EIF5: variants seen among roughly 807,000 people sequenced by gnomAD.
EIF5 encodes eukaryotic translation initiation factor 5.
A neutral mutation model predicts 48.3 loss-of-function variants in EIF5; 10 were observed. That is an observed-to-expected ratio of 0.21 (90% CI 0.13 to 0.35). The LOEUF (loss-of-function observed/expected upper bound fraction) is 0.35, where lower values mean the gene tolerates loss of function less well. Ranked by LOEUF, EIF5 falls within the 10% of genes least tolerant of loss-of-function variation. EIF5 has a pLI of 1.00. For missense variants in EIF5, 397 were observed against 533.2 expected, an observed-to-expected ratio of 0.74 and a Z score of 2.51; for synonymous variants, 237 against 173.1, an observed-to-expected ratio of 1.37 and a Z score of -2.90.
chr14:103,336,750 C>T lies in EIF5; in HGVS notation c.228C>T (p.Val76=), dbSNP rs1156346399. The T allele has an allele frequency of 8.1e-6, 13 of 1,614,082 alleles. No homozygotes were observed. Among genetic ancestry groups the T allele is most frequent in the Non-Finnish European group, 1.1e-5 (13 of 1,180,026 alleles). The change falls in exon 5 of 12, where the codon GTC becomes GTT. Residue 76 remains valine, a synonymous_variant. Transcript: ENST00000216554. ...ATGTTAAGAATGACCGTTACATTGT[C>T]AATGGATCTCATGAGGCGAATAAGC... The part of the protein sequence containing the change: ...QFDVKNDRYI[V]NGSHEANKLQ...
rs78534977 is a variant in EIF5, at chr14:103,336,181, T to C, written c.154+64T>C. 9.5e-4 allele frequency: 1,417 copies of C among 1,486,400 alleles called. 9 individuals are homozygous for C. The African/African-American group carries it at 0.018, about 19-fold the overall frequency. 92.1% of individuals were successfully genotyped at this position (1,486,400 alleles called of 1,614,324 possible). The stretch of plus-strand genomic sequence containing the variant: ...GATAGAGTCTTCAAAGTCTTTGAGC[T>C]GCAAAACTTGTTCTAATTGTATGCT... On this transcript the variant is annotated intron_variant, in intron 4 of 11. Coordinates refer to ENST00000216554, the MANE Select transcript of EIF5 (RefSeq NM_001969.5).
In EIF5 at chr14:103,343,017, T is replaced by A. The variant is rs905284638; in HGVS notation, c.*1965T>A. On this transcript the variant is annotated 3_prime_UTR_variant, in exon 12 of 12. Coordinates refer to ENST00000216554, the MANE Select transcript of EIF5 (RefSeq NM_001969.5). ...ATTTGGCTTAAACCAGTGTTCAGTCTGGTGCCAAACTTCGAATGGAATACA... is the reference window on the plus strand; with the variant it reads ...ATTTGGCTTAAACCAGTGTTCAGTCAGGTGCCAAACTTCGAATGGAATACA... 1 of 152,658 alleles carries A rather than the reference T, an allele frequency of 6.6e-6. No homozygotes were observed. The highest frequency in any genetic ancestry group is 2.4e-5 in the African/African-American group (1 of 41,460). The allele number at this position is 152,658 out of a possible 1,614,324, so 9.5% of individuals were successfully genotyped here.
chr14:103,340,919 C>T, intron 11 of EIF5, 44 bp from the exon 12 acceptor site: 1 of 1,577,512 alleles, frequency 6.3e-7, no homozygotes. Context: ...GTTTTATAAA[C>T]AGATTTATCA....
At chr14:103,340,401 A>G (rs889265809) in intron 10 of EIF5, 26 bp from the exon 11 acceptor site, 16 of 1,585,524 alleles carry the variant, frequency 1.0e-5, no homozygotes, top group South Asian at 2.2e-5. Context: ...TTCCTCAACT[A>G]AGAGACTTGT....
intron 6 of EIF5, 54 bp downstream of exon 6, chr14:103,337,281 G>A: frequency 6.9e-7 from 1 of 1,458,784 alleles, no homozygotes; most frequent in Non-Finnish European, 9.4e-7. Context: ...CTAACTGTTG[G>A]GAACAAAATA....
At chr14:103,338,032 A>G in intron 6 of EIF5, 1 of 568,220 alleles carries the variant, frequency 1.8e-6, no homozygotes, top group South Asian at 1.5e-5. Context: ...GAGGGATGAC[A>G]GGGATCCTTA....
At chr14:103,339,563 A>G (rs1407304677) in intron 9 of EIF5, 76 bp from the exon 10 acceptor site, 10 of 1,599,740 alleles carry the variant, frequency 6.3e-6, no homozygotes, top group African/African-American at 1.3e-5. Flanking sequence ...ACTTGCAGAC[A>G]CTCTTATTTG....
At chr14:103,337,939 T>C (rs191428158) in intron 6 of EIF5, 301 of 529,274 alleles carry the variant, frequency 5.7e-4, no homozygotes, top group African/African-American at 5.4e-3. Context: ...GTGTTCTCTC[T>C]CCCATGAGAC....
At chr14:103,339,532 C>T (rs772677637) in intron 9 of EIF5, 107 bp from the exon 10 acceptor site, 126 of 1,528,756 alleles carry the variant, frequency 8.2e-5, no homozygotes, top group Non-Finnish European at 1.1e-4. Context: ...CCTTTTTGAA[C>T]AACTATGGTA....
chr14:103,337,066 T>C (rs375997355), intron 5 of EIF5, 50 bp from the exon 6 acceptor site: 2 of 1,537,052 alleles, frequency 1.3e-6, no homozygotes, highest in Non-Finnish European at 1.8e-6. Flanking sequence ...GTCCTCTGAT[T>C]AGATATTTTC....
chr14:103,344,372 C>T lies in EIF5; in HGVS notation c.*3320C>T, dbSNP rs1330347788. ...AAGCTACAGAGTTCTTTTCTTGGGA[C>T]CTAGACTGGGAGGTGCAATGTCAGG... is the stretch of plus-strand genomic sequence containing the variant. On this transcript the variant is annotated 3_prime_UTR_variant, in exon 12 of 12. Coordinates refer to ENST00000216554, the MANE Select transcript of EIF5 (RefSeq NM_001969.5). 6.6e-6 allele frequency: 1 copy of T among 152,152 alleles called. No homozygotes were observed. The highest frequency in any genetic ancestry group is 1.5e-5 in the Non-Finnish European group (1 of 68,030). The allele number at this position is 152,152 out of a possible 1,614,324, so 9.4% of individuals were successfully genotyped here.
intron 4 of EIF5, 87 bp from the exon 5 acceptor site, chr14:103,336,590 A>G: frequency 7.0e-7 from 1 of 1,429,544 alleles, no homozygotes. Context: ...TCAAAAAAAA[A>G]AAAAAAGTGG....
intron 11 of EIF5, 122 bp from the exon 12 acceptor site, chr14:103,340,841 G>T (rs967673611): frequency 9.7e-7 from 1 of 1,035,672 alleles, no homozygotes; most frequent in South Asian, 1.4e-5. Context: ...TAACAGAGCT[G>T]TTCCGTGAAG....
rs1429402272 is a variant in EIF5, at chr14:103,336,247, T to C, written c.154+130T>C. ...AAGTTAAGTGAGGAACCGTGGTTTA[T>C]TGGTTGCCATGAGTTTACAAAACTA... On this transcript the variant is annotated intron_variant, in intron 4 of 11. Transcript: ENST00000216554. 6 of 986,258 alleles carry C rather than the reference T, an allele frequency of 6.1e-6. No individual in the cohort carries two copies. The African/African-American group carries it at 8.2e-5, about 14-fold the overall frequency. The allele number at this position is 986,258 out of a possible 1,614,324, so 61.1% of individuals were successfully genotyped here. A position where few individuals can be genotyped will look rare whatever the true frequency, so the allele number is the denominator to read the frequency against.
At chr14:103,337,828 TTCA>T (rs779223057) in intron 6 of EIF5, 3 of 507,634 alleles carry the variant, frequency 5.9e-6, no homozygotes, top group South Asian at 4.3e-5. Context: ...GAGGGCCCCC[TTCA>T]TTAAACTTGA....
chr14:103,340,615 A>AT, intron 11 of EIF5, 54 bp downstream of exon 11: 6 of 1,568,670 alleles, frequency 3.8e-6, no homozygotes, highest in Non-Finnish European at 5.2e-6. Context: ...GGTGTTTGAG[A>AT]TTTAAAAAGG....
rs1261042394 is a variant in EIF5, at chr14:103,334,261, G to A, written c.-418+1G>A. ...CAGTCAGAGCGAGAACATTCCAGAG[G>A]TGAGTCCGGTGAAGGGGCGGCCCCC... On this transcript the variant is annotated splice_donor_variant, in intron 1 of 11. Coordinates refer to ENST00000216554, the MANE Select transcript of EIF5 (RefSeq NM_001969.5). LOFTEE classifies it low-confidence loss of function (5UTR_SPLICE). 6.6e-6 allele frequency: 1 copy of A among 152,332 alleles called. No homozygotes were observed. The highest frequency in any genetic ancestry group is 1.5e-5 in the Non-Finnish European group (1 of 68,222). 9.4% of individuals were successfully genotyped at this position (152,332 alleles called of 1,614,324 possible). A position where few individuals can be genotyped will look rare whatever the true frequency, so the allele number is the denominator to read the frequency against.
Position 103,344,738 on chromosome 14 carries a change from A to G in EIF5, c.*3686A>G, listed in dbSNP as rs1014109512. The G allele has an allele frequency of 1.3e-5, 2 of 152,090 alleles. No individual in the cohort carries two copies. The highest frequency in any genetic ancestry group is 2.9e-5 in the Non-Finnish European group (2 of 67,980). 9.4% of individuals were successfully genotyped at this position (152,090 alleles called of 1,614,324 possible). On this transcript the variant is annotated 3_prime_UTR_variant, in exon 12 of 12. Transcript: ENST00000216554. ...AAAATCAAGTCTTTAGGAGAGTAGA[A>G]AACACAATTAACTAAAAAGCAGGGA... is the stretch of plus-strand genomic sequence containing the variant.
intron 11 of EIF5, 129 bp from the exon 12 acceptor site, chr14:103,340,834 C>CTA: frequency 1.0e-6 from 1 of 996,026 alleles, no homozygotes; most frequent in Non-Finnish European, 1.5e-6. Context: ...GTTTGCATAA[C>CTA]AGAGCTGTTC....
Sources: gnomAD v4.1 joint callset for allele counts on GRCh38, gnomAD v4.1.1 for gene constraint, MANE v1.5 for transcripts, NCBI Gene and HGNC (gene_info 2026-07-23, HGNC 2026-07-21) for gene names.